The following ZER1 variants were observed in gnomAD, a reference collection of about 807,000 sequenced individuals.
The protein encoded by ZER1 is protein zer-1 homolog.
Under a neutral mutation model 78.8 loss-of-function variants are expected in ZER1, and 11 were observed. The observed-to-expected ratio is 0.14, with a 90% CI of 0.09 to 0.23. ZER1 has a LOEUF of 0.23. ZER1 is among the 10% of genes least tolerant of loss of function. The probability of loss-of-function intolerance (pLI) is 1.00; values close to 1 mark genes in which losing one functional copy is unlikely to be tolerated. For missense variants in ZER1, 588 were observed against 996.9 expected, an observed-to-expected ratio of 0.59 and a Z score of 5.52; for synonymous variants, 400 against 407.0, an observed-to-expected ratio of 0.98 and a Z score of 0.21.
intron 13 of ZER1, among the ~76,000 whole-genome samples, chr9:128,736,495 A>G (rs7867809): frequency 1 from 150,705 of 151,232 alleles, 75,094 homozygotes; most frequent in Middle Eastern, 1. Flanking sequence ...CTGGGTTCAC[A>G]TGATTCTCCT....
chr9:128,741,054 C>T (rs567728295), intron 11 of ZER1, among the ~76,000 whole-genome samples, 167 bp from the exon 12 acceptor site: 2 of 152,284 alleles, frequency 1.3e-5, no homozygotes, highest in African/African-American at 4.8e-5. Context: ...GTGCTGGGTA[C>T]ACACACTAAG....
chr9:128,755,604 C>T lies in ZER1; in HGVS notation c.-39G>A. 3 of 1,592,316 alleles carry T rather than the reference C, an allele frequency of 1.9e-6. No homozygotes were observed. Among genetic ancestry groups the T allele is most frequent in the Non-Finnish European group, 2.6e-6 (3 of 1,162,786 alleles). On this transcript the variant is annotated 5_prime_UTR_variant, in exon 2 of 16. Transcript: ENST00000291900. The surrounding 1 kb of genome is among the most constrained non-coding windows in gnomAD (Gnocchi z 5.6). ...AGGTGGGCCACTCCAGGACAAGGAT[C>T]CCCAGGGGCAACAGTGATTCCTGAA...
rs56841337 is a variant in ZER1 at position 128,751,103 on chromosome 9, C to T, written c.1185+19G>A. Reference sequence around the variant, plus strand: ...GGTGGGGAGGGACAGGAGGCCAAGGCCCCAGGCTTGGAGCTGACCTTCAGG... The same window carrying T: ...GGTGGGGAGGGACAGGAGGCCAAGGTCCCAGGCTTGGAGCTGACCTTCAGG... On this transcript the variant is annotated intron_variant, in intron 7 of 15. Transcript: ENST00000291900. This position sits in a 1 kb window ranked among gnomAD's most constrained non-coding sequence, Gnocchi z 5.4. 3,782 of 1,571,000 alleles carry T rather than the reference C, an allele frequency of 2.4e-3. 90 individuals carry two copies. In the African/African-American group the frequency reaches 0.045, roughly 19 times the overall value.
At chr9:128,741,726 C>T in intron 10 of ZER1, 72 bp from the exon 11 acceptor site, 1 of 1,613,988 alleles carries the variant, frequency 6.2e-7, no homozygotes, top group Non-Finnish European at 8.5e-7. Context: ...AAAACACAGA[C>T]CTCCCCCAGG....
At chr9:128,762,466 C>T (rs577221636) in intron 1 of ZER1, among the ~76,000 whole-genome samples, 3 of 152,302 alleles carry the variant, frequency 2.0e-5, no homozygotes, top group Non-Finnish European at 2.9e-5. Context: ...TTGCTGCTCA[C>T]GAGGAGACAA....
At chr9:128,763,913 G>A (rs902189546) in intron 1 of ZER1, among the ~76,000 whole-genome samples, 5 of 152,088 alleles carry the variant, frequency 3.3e-5, no homozygotes, top group Non-Finnish European at 7.4e-5. Context: ...CTTGAACCCG[G>A]GAGGCGGAGG....
intron 14 of ZER1, among the ~76,000 whole-genome samples, chr9:128,734,261 A>G (rs563081510): frequency 1.4e-5 from 2 of 141,420 alleles, no homozygotes; most frequent in East Asian, 4.3e-4. Flanking sequence ...CAGTGGCACG[A>G]TCTGAGCTCA....
chr9:128,760,994 T>G (rs1864023578), intron 1 of ZER1, among the ~76,000 whole-genome samples: 1 of 150,514 alleles, frequency 6.6e-6, no homozygotes, highest in Non-Finnish European at 1.5e-5. Context: ...CTGTCTCTAC[T>G]AAAAATACAA....
At position 128,750,601 on chromosome 9, in the gene ZER1, C is replaced by G. The variant is rs370263095; in HGVS notation, c.1359+15G>C. 1 of 1,611,158 alleles carries G rather than the reference C, an allele frequency of 6.2e-7. No homozygotes were observed. Among genetic ancestry groups the G allele is most frequent in the Non-Finnish European group, 8.5e-7 (1 of 1,177,786 alleles). Reference sequence around the variant, plus strand: ...TGGGCCAGAGCATGCGGGGCCGTGGCGGGTGGGGGCTCACCGTCACCTCCT... The same window carrying G: ...TGGGCCAGAGCATGCGGGGCCGTGGGGGGTGGGGGCTCACCGTCACCTCCT... On this transcript the variant is annotated intron_variant, in intron 8 of 15. Coordinates refer to ENST00000291900, the MANE Select transcript of ZER1 (RefSeq NM_006336.4).
intron 13 of ZER1, among the ~76,000 whole-genome samples, chr9:128,737,563 C>G (rs116620492): frequency 0.02 from 3,096 of 152,278 alleles, 111 homozygotes; most frequent in African/African-American, 0.071. Context: ...GCCAGTCAGT[C>G]ACAAAACAGT....
intron 1 of ZER1, among the ~76,000 whole-genome samples, chr9:128,769,296 C>A (rs1218180052): frequency 6.6e-6 from 1 of 152,252 alleles, no homozygotes; most frequent in Non-Finnish European, 1.5e-5. Flanking sequence ...ATCATCACAT[C>A]ATCCTCATCA....
rs138391384 is a variant in ZER1, at chr9:128,753,147, C to G, written c.746+17G>C. Reference sequence around the variant, plus strand: ...CCCCCAAACCCCACCCTGGTGAGCTCTGGGCCAGGAGCTCACCGCAGCTTG... The same window carrying G: ...CCCCCAAACCCCACCCTGGTGAGCTGTGGGCCAGGAGCTCACCGCAGCTTG... On this transcript the variant is annotated intron_variant, in intron 4 of 15. Transcript: ENST00000291900. This position sits in a 1 kb window ranked among gnomAD's most constrained non-coding sequence, Gnocchi z 7.5. The G allele has an allele frequency of 4.4e-3, 6,732 of 1,517,610 alleles. 20 individuals carry two copies. The highest frequency in any genetic ancestry group is 5.6e-3 in the Non-Finnish European group (6,333 of 1,130,130). The allele number at this position is 1,517,610 out of a possible 1,614,324, so 94.0% of individuals were successfully genotyped here.
chr9:128,733,450 C>T lies in ZER1; in HGVS notation c.2219G>A (p.Arg740Gln), dbSNP rs773668026. ...CCGGGCCATTTCCTTGGTCTCCTGC[C>T]GTGCGGTCGCCATCTTAATTATGTC... is the stretch of plus-strand genomic sequence containing the variant. The part of the protein sequence containing the change: ...LRDIIKMATA[R>Q]QETKEMARKV... Residue 740 changes from arginine to glutamine, a missense_variant, in exon 15 of 16, where the codon CGG becomes CAG. Arg to Gln is a conservative substitution (Grantham distance 43, BLOSUM62 1). Around this residue, in one of 3 missense-constraint regions of ZER1, gnomAD observed 122 missense variants for 173.5 expected, o/e 0.70. Transcript: ENST00000291900. 2.5e-6 allele frequency: 4 copies of T among 1,613,914 alleles called. No individual in the cohort carries two copies. Among genetic ancestry groups the T allele is most frequent in the East Asian group, 2.2e-5 (1 of 44,872 alleles).
intron 13 of ZER1, among the ~76,000 whole-genome samples, chr9:128,736,853 A>T (rs995111022): frequency 4.6e-5 from 7 of 150,684 alleles, no homozygotes; most frequent in Non-Finnish European, 7.4e-5. Flanking sequence ...TTAAAAAAAA[A>T]TTTTTTTTGG....
Position 128,753,321 on chromosome 9 carries a change from G to C in ZER1, c.589C>G (p.Pro197Ala), listed in dbSNP as rs1254716056. 1 of 1,613,226 alleles carries C rather than the reference G, an allele frequency of 6.2e-7. No homozygotes were observed. Among genetic ancestry groups the C allele is most frequent in the Non-Finnish European group, 8.5e-7 (1 of 1,179,676 alleles). ...DWVPVESLLR[P>A]LNSLAALDLS... ...TCCAAGGCAGCCAGGGAGTTAAGCG[G>C]CCGCAGCAGGGACTCCACAGGGACC... is the stretch of plus-strand genomic sequence containing the variant. Residue 197 changes from proline to alanine, a missense_variant, in exon 4 of 16, where the codon CCG becomes GCG. Pro to Ala is a conservative substitution (Grantham distance 27). Coordinates refer to ENST00000291900, the MANE Select transcript of ZER1 (RefSeq NM_006336.4). This position sits in a 1 kb window ranked among gnomAD's most constrained non-coding sequence, Gnocchi z 7.5.
At chr9:128,739,794 T>C (rs1238432239) in intron 13 of ZER1, 137 bp downstream of exon 13, 1 of 1,065,220 alleles carries the variant, frequency 9.4e-7, no homozygotes, top group Non-Finnish European at 1.4e-6. Context: ...CGGCTACGTA[T>C]CAATGAGTGA....
intron 1 of ZER1, among the ~76,000 whole-genome samples, chr9:128,757,521 C>CAA (rs376098737): frequency 8.0e-6 from 1 of 125,124 alleles, no homozygotes; most frequent in Non-Finnish European, 1.7e-5. Flanking sequence ...GACCCTGTCT[C>CAA]AAAAAAAAAA....
At chr9:128,737,280 C>G (rs1369861992) in intron 13 of ZER1, among the ~76,000 whole-genome samples, 1 of 152,080 alleles carries the variant, frequency 6.6e-6, no homozygotes, top group Non-Finnish European at 1.5e-5. Context: ...CCACCGCATC[C>G]GGCCTGTGAC....
chr9:128,739,914 C>A lies in ZER1; in HGVS notation c.2042+17G>T. ...CCATATTCCACACCGCATCCCCGCT[C>A]CCTGCCCTGCCCACACCTGTAATTG... On this transcript the variant is annotated intron_variant, in intron 13 of 15. Transcript: ENST00000291900. 5 of 1,597,614 alleles carry A rather than the reference C, an allele frequency of 3.1e-6. No homozygotes were observed. Among genetic ancestry groups the A allele is most frequent in the Non-Finnish European group, 4.3e-6 (5 of 1,166,336 alleles).
Sources: allele counts gnomAD v4.1 joint callset (sites outside exome capture counted in the v4.1 genomes callset), GRCh38; gene constraint gnomAD v4.1.1; regional missense constraint gnomAD v4.1.1; non-coding constraint Gnocchi (gnomAD v3.1); transcripts MANE v1.5; gene names NCBI Gene and HGNC (gene_info 2026-07-23, HGNC 2026-07-21).